The following PARD3 variants were observed in gnomAD, a reference collection of about 807,000 sequenced individuals.
PARD3 encodes the protein par-3 family cell polarity regulator, also known as partitioning defective 3 homolog.
A neutral mutation model predicts 155.4 loss-of-function variants in PARD3; 75 were observed. The observed-to-expected ratio is 0.48, with a 90% CI of 0.40 to 0.58. The LOEUF is 0.58. PARD3 is among the 20% of genes least tolerant of loss of function. The pLI is 0.00. For missense variants in PARD3, 1,642 were observed against 1,721.7 expected (o/e 0.95, Z 0.82); for synonymous variants, 576 against 610.5 (o/e 0.94, Z 0.83).
In PARD3 at chr10:34,524,140, T is replaced by TA. The variant is rs568391777; in HGVS notation, c.223-6982dup. Among the ~76,000 whole-genome samples, 13 of 152,226 alleles carry TA rather than the reference T, an allele frequency of 8.5e-5. No individual in the cohort carries two copies. In the South Asian group the frequency reaches 2.7e-3, roughly 32 times the overall value. On this transcript the variant is annotated intron_variant, in intron 2 of 24. Transcript: ENST00000374788. The stretch of plus-strand genomic sequence containing the variant: ...GATTATCACAGTGTATTATCCAACA[T>TA]AAGAAAGGGAGCTAAATGAGATCAA...
intron 1 of PARD3, among the ~76,000 whole-genome samples, chr10:34,710,358 A>G (rs1455493342): frequency 6.6e-6 from 1 of 152,214 alleles, no homozygotes; most frequent in East Asian, 1.9e-4. Flanking sequence ...CTGGCATTCC[A>G]TAATAAATAT....
intron 20 of PARD3, among the ~76,000 whole-genome samples, chr10:34,299,706 T>G (rs1394587847): frequency 6.6e-6 from 1 of 152,196 alleles, no homozygotes; most frequent in Admixed American, 6.5e-5. Context: ...TGTGGGACCT[T>G]CTGAAAAAGG....
intron 22 of PARD3, among the ~76,000 whole-genome samples, chr10:34,209,072 A>G (rs1307461185): frequency 6.6e-6 from 1 of 152,232 alleles, no homozygotes; most frequent in East Asian, 1.9e-4. Flanking sequence ...CTGACTAGGA[A>G]TAAAAAATGT....
chr10:34,585,830 T>C (rs768071202), intron 2 of PARD3, among the ~76,000 whole-genome samples: 8 of 152,100 alleles, frequency 5.3e-5, no homozygotes, highest in Non-Finnish European at 1.2e-4. Flanking sequence ...ACATAAACTA[T>C]CTCTAGAAGA....
chr10:34,528,780 G>A (rs1564812710), intron 2 of PARD3, among the ~76,000 whole-genome samples: 1 of 152,164 alleles, frequency 6.6e-6, no homozygotes, highest in East Asian at 1.9e-4. Flanking sequence ...TCTGCACGAG[G>A]TTTCAAGGGG....
intron 5 of PARD3, among the ~76,000 whole-genome samples, chr10:34,434,302 C>T (rs1321643477): frequency 6.6e-6 from 1 of 152,192 alleles, no homozygotes; most frequent in Non-Finnish European, 1.5e-5. Context: ...GACAAAAACA[C>T]CAATATCAGC....
At chr10:34,604,386 G>A (rs1376505759) in intron 2 of PARD3, among the ~76,000 whole-genome samples, 1 of 151,958 alleles carries the variant, frequency 6.6e-6, no homozygotes, top group Admixed American at 6.6e-5. Flanking sequence ...AACATGAAAA[G>A]GAGAGACAGG....
Position 34,517,151 on chromosome 10 carries a change from T to C in PARD3, c.231A>G (p.Ala77=). 2 of 1,612,890 alleles carry C rather than the reference T, an allele frequency of 1.2e-6. No homozygotes were observed. The highest frequency in any genetic ancestry group is 2.2e-5 in the South Asian group (2 of 90,946). Residue 77 remains alanine (A), a synonymous_variant, in exon 3 of 25, where the codon GCA becomes GCG. Transcript: ENST00000374788. ...DVADDKDRLV[A]VFDEQDPHHG... The stretch of plus-strand genomic sequence containing the variant: ...GATGTGGATCCTGCTCATCAAACAC[T>C]GCTACCAGCTAGAAATGAAAGGTAA...
intron 2 of PARD3, among the ~76,000 whole-genome samples, chr10:34,608,683 T>C (rs73267387): frequency 0.025 from 3,748 of 151,842 alleles, 149 homozygotes; most frequent in African/African-American, 0.086. Flanking sequence ...TACAGGTGCC[T>C]GCCACCACGC....
At chr10:34,508,509 T>C (rs1297471169) in intron 3 of PARD3, among the ~76,000 whole-genome samples, 1 of 151,904 alleles carries the variant, frequency 6.6e-6, no homozygotes, top group African/African-American at 2.4e-5. Context: ...CCCTCAAATA[T>C]CTGACTTCTA....
chr10:34,806,101 G>GT (rs1843350756), intron 1 of PARD3, among the ~76,000 whole-genome samples: 1 of 151,776 alleles, frequency 6.6e-6, no homozygotes, highest in Non-Finnish European at 1.5e-5. Context: ...CACCATCATA[G>GT]TTCACTGCAA....
intron 2 of PARD3, among the ~76,000 whole-genome samples, chr10:34,600,947 C>G (rs2089708754): frequency 6.6e-6 from 1 of 150,378 alleles, no homozygotes; most frequent in Non-Finnish European, 1.5e-5. Context: ...GCCACCATGC[C>G]CGCCCATTTT....
chr10:34,516,447 G>T (rs1272570705), intron 3 of PARD3, among the ~76,000 whole-genome samples: 1 of 152,018 alleles, frequency 6.6e-6, no homozygotes, highest in African/African-American at 2.4e-5. Context: ...GAATACCCAG[G>T]GTCCTAGGAT....
intron 2 of PARD3, among the ~76,000 whole-genome samples, chr10:34,524,253 T>C (rs542552128): frequency 1.3e-5 from 2 of 152,302 alleles, no homozygotes; most frequent in East Asian, 1.9e-4. Context: ...GAGACCACCA[T>C]CATCATAAGC....
At chr10:34,744,219 C>G (rs1354876926) in intron 1 of PARD3, among the ~76,000 whole-genome samples, 1 of 152,188 alleles carries the variant, frequency 6.6e-6, no homozygotes, top group African/African-American at 2.4e-5. Flanking sequence ...TAAAATGCAA[C>G]AAGCCAGACA....
At chr10:34,347,860 A>G in intron 15 of PARD3, 105 bp downstream of exon 15, 1 of 770,178 alleles carries the variant, frequency 1.3e-6, no homozygotes, top group South Asian at 3.9e-5. Flanking sequence ...TTTTATTTAC[A>G]TTAATATTAC....
intron 22 of PARD3, among the ~76,000 whole-genome samples, chr10:34,168,631 G>A (rs1239204946): frequency 1.3e-5 from 2 of 152,300 alleles, no homozygotes. Context: ...CCCTCCCCGC[G>A]AAGGATTCAT....
chr10:34,348,416 G>A (rs1029507083), intron 14 of PARD3, among the ~76,000 whole-genome samples: 3 of 152,078 alleles, frequency 2.0e-5, no homozygotes, highest in African/African-American at 4.8e-5. Flanking sequence ...CAATTTGACC[G>A]TTAGTGTCTG....
At chr10:34,648,563 ATTAG>A (rs1425338629) in intron 2 of PARD3, among the ~76,000 whole-genome samples, 1 of 152,156 alleles carries the variant, frequency 6.6e-6, no homozygotes, top group African/African-American at 2.4e-5. Context: ...ATCATCAGGC[ATTAG>A]TTAGATTCTC....
Sources: gnomAD v4.1 joint callset for allele counts (sites outside exome capture counted in the v4.1 genomes callset) on GRCh38, gnomAD v4.1.1 for gene constraint, MANE v1.5 for transcripts, NCBI Gene and HGNC (gene_info 2026-07-23, HGNC 2026-07-21) for gene names.